The following DLL3 variants were observed in gnomAD, a reference collection of about 807,000 sequenced individuals.
DLL3 encodes the protein delta like canonical Notch ligand 3.
A neutral mutation model predicts 55.0 loss-of-function variants in DLL3; 49 were observed. The observed-to-expected ratio is 0.89, with a 90% CI of 0.71 to 1.13. The LOEUF (loss-of-function observed/expected upper bound fraction) is 1.13. Among genes scored for constraint, DLL3 ranks in the 50% most tolerant of loss-of-function variants. The probability of loss-of-function intolerance (pLI) is 0.00; values close to 1 mark genes in which losing one functional copy is unlikely to be tolerated. For missense variants in DLL3, 962 were observed against 875.5 expected, an observed-to-expected ratio of 1.10 and a Z score of -1.25; for synonymous variants, 421 against 385.2, an observed-to-expected ratio of 1.09 and a Z score of -1.09.
chr19:39,506,375 A>C lies in DLL3; in HGVS notation c.1094-664A>C, dbSNP rs1041266886. Among the ~76,000 whole-genome samples the C allele has an allele frequency of 3.8e-4, 57 of 151,910 alleles. 1 individual carries two copies. The South Asian group carries it at 0.011, about 30-fold the overall frequency. On this transcript the variant is annotated intron_variant, in intron 6 of 8. Transcript: ENST00000356433. ...GAGCGAGACTCCGTTTCGAAAAAAA[A>C]AAAAAAAAAGATCATGAATGTAAAG...
At chr19:39,507,798 TC>T (rs1555755019) in intron 7 of DLL3, 31 bp from the exon 8 acceptor site, 1 of 1,613,458 alleles carries the variant, frequency 6.2e-7, no homozygotes, top group Non-Finnish European at 8.5e-7. Context: ...ATTTAAAGAG[TC>T]TGAGTTTTTC....
chr19:39,503,237 C>T (rs1384336201), intron 4 of DLL3, among the ~76,000 whole-genome samples, 180 bp downstream of exon 4: 3 of 152,174 alleles, frequency 2.0e-5, no homozygotes, highest in Admixed American at 1.3e-4. Flanking sequence ...CTGACTGCTG[C>T]GGATGTATCC....
At chr19:39,499,850 CTCT>C in intron 2 of DLL3, among the ~76,000 whole-genome samples, 1 of 128,694 alleles carries the variant, frequency 7.8e-6, no homozygotes, top group Non-Finnish European at 1.7e-5. Context: ...AATATCTTCT[CTCT>C]CTTTTTTTTT....
In DLL3 at chr19:39,504,164, C is replaced by T. The variant is rs1409127924; in HGVS notation, c.746C>T (p.Thr249Met). Residue 249 changes from threonine (T) to methionine (M), a missense_variant, in exon 5 of 9, where the codon ACG becomes ATG. Coordinates refer to ENST00000356433, the MANE Select transcript of DLL3 (RefSeq NM_203486.3). Reference protein sequence around the residue: ...CLEGWTGPLCTVPVSTSSCLS... With the variant: ...CLEGWTGPLCMVPVSTSSCLS... The stretch of plus-strand genomic sequence containing the variant: ...GAGGGCTGGACTGGACCCCTCTGCA[C>T]GGTCCCTGTCTCCACCAGCAGCTGC... The T allele has an allele frequency of 1.1e-5, 17 of 1,612,336 alleles. No homozygotes were observed. In the East Asian group the frequency reaches 1.1e-4, roughly 11 times the overall value.
rs1491455607 is a variant in DLL3 at position 39,500,421 on chromosome 19, C to CT, written c.352-194_352-193insT. Among the ~76,000 whole-genome samples the CT allele has an allele frequency of 1.6e-4, 7 of 44,624 alleles. No individual in the cohort carries two copies. The South Asian group carries it at 5.8e-3, about 37-fold the overall frequency. The allele number at this position is 44,624 out of a possible 152,430, so 29.3% of individuals were successfully genotyped here. A position where few individuals can be genotyped will look rare whatever the true frequency, so the allele number is the denominator to read the frequency against. ...AGCCTGGTTGACAAAGTGAGATTCT[C>CT]CCCCCCCCCCCAAAAAAAAGCCACA... On this transcript the variant is annotated intron_variant, in intron 2 of 8. Coordinates refer to ENST00000356433, the MANE Select transcript of DLL3 (RefSeq NM_203486.3).
At chr19:39,500,765 A>C in intron 3 of DLL3, 93 bp downstream of exon 3, 1 of 1,124,428 alleles carries the variant, frequency 8.9e-7, no homozygotes, top group Non-Finnish European at 1.3e-6. Flanking sequence ...TGATGTCATC[A>C]CAGCTCCTGG....
rs1435810049 is a variant in DLL3 at position 39,499,910 on chromosome 19, C to G, written c.351+437C>G. 2.1e-5 allele frequency among the ~76,000 whole-genome samples: 3 copies of G among 145,496 alleles called. No homozygotes were observed. The East Asian group carries it at 6.1e-4, about 29-fold the overall frequency. Reference sequence around the variant, plus strand: ...TCAGTTGGGTCCTGTATTAATTACTCTTTCACCTCCAAAATCCTGTCTCCC... The same window carrying G: ...TCAGTTGGGTCCTGTATTAATTACTGTTTCACCTCCAAAATCCTGTCTCCC... On this transcript the variant is annotated intron_variant, in intron 2 of 8. Transcript: ENST00000356433.
In DLL3 at chr19:39,508,400, G is replaced by C; in HGVS notation, c.*143G>C. On this transcript the variant is annotated 3_prime_UTR_variant, in exon 9 of 9. Coordinates refer to ENST00000356433, the MANE Select transcript of DLL3 (RefSeq NM_203486.3). ...TTTACTGTTGCAAGTTGTAAATAAT[G>C]GTTATTTATATCCTATTTTTTCTCA... 1.1e-6 allele frequency: 1 copy of C among 894,876 alleles called. No homozygotes were observed. The highest frequency in any genetic ancestry group is 1.8e-6 in the Non-Finnish European group (1 of 551,284). 55.4% of individuals were successfully genotyped at this position (894,876 alleles called of 1,614,324 possible).
At chr19:39,500,420 T>TTC (rs2079602884) in intron 2 of DLL3, among the ~76,000 whole-genome samples, 195 bp from the exon 3 acceptor site, 1 of 93,674 alleles carries the variant, frequency 1.1e-5, no homozygotes. Context: ...AGTGAGATTC[T>TTC]CCCCCCCCCC....
intron 6 of DLL3, among the ~76,000 whole-genome samples, chr19:39,506,105 G>T (rs1407355494): frequency 1.3e-5 from 2 of 150,946 alleles, no homozygotes; most frequent in East Asian, 3.9e-4. Context: ...CCAGCTACTC[G>T]GGAGGCTAAG....
At position 39,507,560 on chromosome 19, in the gene DLL3, G is replaced by A. The variant is rs941190035; in HGVS notation, c.1615G>A (p.Ala539Thr). 1.2e-6 allele frequency: 2 copies of A among 1,608,258 alleles called. No individual in the cohort carries two copies. The highest frequency in any genetic ancestry group is 8.5e-7 in the Non-Finnish European group (1 of 1,177,976). ...TGGGACCCCGGAGCCGTCAGTCCAC[G>A]CACTCCCGGATGCACTCAACAACCT... is the stretch of plus-strand genomic sequence containing the variant. ...LAGTPEPSVH[A>T]LPDALNNLRT... The change falls in exon 7 of 9, where the codon GCA becomes ACA. Residue 539 changes from alanine to threonine, a missense_variant. Ala to Thr is a moderately conservative substitution (Grantham distance 58). Transcript: ENST00000356433.
At chr19:39,505,676 A>G in intron 6 of DLL3, 1 of 562,390 alleles carries the variant, frequency 1.8e-6, no homozygotes, top group Non-Finnish European at 3.2e-6. Flanking sequence ...GGCACTGAGG[A>G]TACAGCAGGG....
chr19:39,505,000 G>A (rs1180037087), intron 5 of DLL3, among the ~76,000 whole-genome samples: 3 of 152,200 alleles, frequency 2.0e-5, no homozygotes, highest in African/African-American at 7.2e-5. Context: ...TGTAGGGGTG[G>A]GAATGGGGTC....
In DLL3 at chr19:39,508,465, G is replaced by C; in HGVS notation, c.*208G>C. On this transcript the variant is annotated 3_prime_UTR_variant, in exon 9 of 9. Coordinates refer to ENST00000356433, the MANE Select transcript of DLL3 (RefSeq NM_203486.3). ...AAACACCTATAAAGGCTATTATTGT[G>C]ATCAGTTTTGACTAACGAGGCTGAA... 1.6e-6 allele frequency: 1 copy of C among 628,362 alleles called. No homozygotes were observed. Among genetic ancestry groups the C allele is most frequent in the Non-Finnish European group, 2.8e-6 (1 of 359,584 alleles). The allele number at this position is 628,362 out of a possible 1,614,324, so 38.9% of individuals were successfully genotyped here.
chr19:39,505,088 C>G, intron 5 of DLL3, 141 bp from the exon 6 acceptor site: 2 of 806,406 alleles, frequency 2.5e-6, no homozygotes, highest in South Asian at 1.4e-5. Context: ...GAGGGGATGT[C>G]GGGAGGACCT....
Position 39,500,575 on chromosome 19 carries a change from GTCTTTCA to G in DLL3, c.352-29_352-23del, listed in dbSNP as rs760054689. 141 of 1,584,306 alleles carry G rather than the reference GTCTTTCA, an allele frequency of 8.9e-5. No homozygotes were observed. In the African/African-American group the frequency reaches 1.6e-3, roughly 18 times the overall value. ...TCATTGAGTACTTACCCTAACCACT[GTCTTTCA>G]TCTTTCATCTCCCCCTTCCTTCACC... On this transcript the variant is annotated intron_variant, in intron 2 of 8. Transcript: ENST00000356433.
chr19:39,505,393 C>T lies in DLL3; in HGVS notation c.1035C>T (p.Phe345=). The change falls in exon 6 of 9, where the codon TTC becomes TTT. Residue 345 remains phenylalanine (F), a synonymous_variant. Coordinates refer to ENST00000356433, the MANE Select transcript of DLL3 (RefSeq NM_203486.3). ...ACATCTGCCACTGCCCACCCGGTTTCCAAGGCTCCAACTGTGAGAAGAGGG... is the reference window on the plus strand; with the variant it reads ...ACATCTGCCACTGCCCACCCGGTTTTCAAGGCTCCAACTGTGAGAAGAGGG... ...SAYICHCPPG[F]QGSNCEKRVD... 1 of 1,614,106 alleles carries T rather than the reference C, an allele frequency of 6.2e-7. No individual in the cohort carries two copies. Among genetic ancestry groups the T allele is most frequent in the Non-Finnish European group, 8.5e-7 (1 of 1,180,024 alleles).
In DLL3 at chr19:39,507,604, CG is replaced by C; in HGVS notation, c.1663del (p.Asp555MetfsTer7). 1 of 1,607,720 alleles carries C rather than the reference CG, an allele frequency of 6.2e-7. No homozygotes were observed. Among genetic ancestry groups the C allele is most frequent in the Non-Finnish European group, 8.5e-7 (1 of 1,177,704 alleles). On this transcript the variant is annotated frameshift_variant, in exon 7 of 9. Transcript: ENST00000356433. LOFTEE classifies it high-confidence loss of function. Reference sequence around the variant, plus strand: ...ACAACCTAAGGACGCAGGAGGGTTCCGGGGATGGTCCGAGGTGAGGGGCTGC... The same window carrying C: ...ACAACCTAAGGACGCAGGAGGGTTCCGGGATGGTCCGAGGTGAGGGGCTGC... ...LNNLRTQEGS[G>X]DGPSSSVDWN...
chr19:39,505,297 G>A lies in DLL3; in HGVS notation c.939G>A (p.Gly313=), dbSNP rs150100958. ...GFYGLRCEVS[G]VTCADGPCFN... ...ACGGGCTGCGGTGTGAGGTGAGCGG[G>A]GTGACATGTGCAGATGGACCCTGCT... is the stretch of plus-strand genomic sequence containing the variant. Residue 313 remains glycine, a synonymous_variant, in exon 6 of 9, where the codon GGG becomes GGA. Transcript: ENST00000356433. 2.1e-4 allele frequency: 339 copies of A among 1,614,072 alleles called. No individual in the cohort carries two copies. The highest frequency in any genetic ancestry group is 2.7e-4 in the Non-Finnish European group (317 of 1,180,036).
Sources: allele counts gnomAD v4.1 joint callset (sites outside exome capture counted in the v4.1 genomes callset), GRCh38; gene constraint gnomAD v4.1.1; transcripts MANE v1.5; gene names NCBI Gene and HGNC (gene_info 2026-07-23, HGNC 2026-07-21).